The following SNW1 variants were observed in gnomAD, a reference collection of about 807,000 sequenced individuals.
SNW1 encodes SNW domain containing 1.
In SNW1, 9 loss-of-function variants were observed where a neutral mutation model predicts 75.6. The ratio of observed to expected loss-of-function variants is 0.12; its 90% CI spans 0.07 to 0.21. The LOEUF (loss-of-function observed/expected upper bound fraction) is 0.21. Among genes scored for constraint, SNW1 ranks in the 10% least tolerant of loss-of-function variants. SNW1 has a pLI of 1.00. For synonymous variants in SNW1, 200 were observed against 219.1 expected, an observed-to-expected ratio of 0.91 and a Z score of 0.77; for missense variants, 409 against 670.9, an observed-to-expected ratio of 0.61 and a Z score of 4.31.
rs767663914 is a variant in SNW1 at position 77,718,427 on chromosome 14, C to A, written c.1352G>T (p.Ser451Ile). 1 of 1,613,944 alleles carries A rather than the reference C, an allele frequency of 6.2e-7. No homozygotes were observed. Among genetic ancestry groups the A allele is most frequent in the African/African-American group, 1.3e-5 (1 of 74,898 alleles). ...ATACATGTCCTTGTCCAGATTTTTA[C>A]TGGGCCTATAAATACTCTGGGCCAT... Reference protein sequence around the residue: ...KDMAQSIYRPSKNLDKDMYGD... With the variant: ...KDMAQSIYRPIKNLDKDMYGD... The change falls in exon 13 of 14, where the codon AGT becomes ATT. Residue 451 changes from serine (S) to isoleucine (I), a missense_variant. Around this residue, in one of 9 missense-constraint regions of SNW1, gnomAD observed 126 missense variants for 167.6 expected, o/e 0.75. Coordinates refer to ENST00000261531, the MANE Select transcript of SNW1 (RefSeq NM_012245.3).
rs146190754 is a variant in SNW1 at position 77,717,846 on chromosome 14, G to A, written c.*242C>T. ...AAGTGGTCTTGACTTTGTATGTGGG[G>A]CAGCATGTTCTATAAATGCTGAAAG... On this transcript the variant is annotated 3_prime_UTR_variant, in exon 14 of 14. Coordinates refer to ENST00000261531, the MANE Select transcript of SNW1 (RefSeq NM_012245.3). 9.0e-5 allele frequency: 50 copies of A among 556,266 alleles called. No homozygotes were observed. The East Asian group carries it at 1.4e-3, about 16-fold the overall frequency. 34.5% of individuals were successfully genotyped at this position (556,266 alleles called of 1,614,324 possible).
chr14:77,757,928 A>ATCTG (rs766582862), intron 1 of SNW1, among the ~76,000 whole-genome samples: 1 of 123,488 alleles, frequency 8.1e-6, no homozygotes, highest in Non-Finnish European at 1.7e-5. Flanking sequence ...TCATCTATCT[A>ATCTG]TCTATCTATC....
At chr14:77,726,478 G>GTCTTTTATCATTT (rs1319599330) in intron 10 of SNW1, among the ~76,000 whole-genome samples, 1 of 151,988 alleles carries the variant, frequency 6.6e-6, no homozygotes, top group Non-Finnish European at 1.5e-5. Flanking sequence ...ACTTTCATCA[G>GTCTTTTATCATTT]TCTTTTATCA....
chr14:77,720,796 A>G lies in SNW1; in HGVS notation c.1163T>C (p.Ile388Thr), dbSNP rs202012255. Residue 388 changes from isoleucine to threonine, a missense_variant, in exon 12 of 14, where the codon ATC (isoleucine) becomes ACC (threonine). Ile to Thr is a moderately conservative substitution (Grantham distance 89, BLOSUM62 -1). Coordinates refer to ENST00000261531, the MANE Select transcript of SNW1 (RefSeq NM_012245.3). Reference sequence around the variant, plus strand: ...AACACCGAGAGCAATAACTTCACTGATATCCCGATTTTCATTTCTCTGAAG... The same window carrying G: ...AACACCGAGAGCAATAACTTCACTGGTATCCCGATTTTCATTTCTCTGAAG... The part of the protein sequence containing the change: ...SKLQRNENRD[I>T]SEVIALGVPN... 6.2e-7 allele frequency: 1 copy of G among 1,613,770 alleles called. No homozygotes were observed. The highest frequency in any genetic ancestry group is 2.2e-5 in the East Asian group (1 of 44,868).
At chr14:77,719,421 A>C (rs952138354) in intron 12 of SNW1, among the ~76,000 whole-genome samples, 35 of 152,248 alleles carry the variant, frequency 2.3e-4, no homozygotes, top group African/African-American at 8.4e-4. Context: ...GAGGATCACG[A>C]GGTCAGGAGT....
At position 77,717,786 on chromosome 14, in the gene SNW1, A is replaced by T. The variant is rs1034957401; in HGVS notation, c.*302T>A. 2.4e-5 allele frequency: 14 copies of T among 593,320 alleles called. No individual in the cohort carries two copies. Among genetic ancestry groups the T allele is most frequent in the African/African-American group, 3.7e-5 (2 of 53,822 alleles). The allele number at this position is 593,320 out of a possible 1,614,324, so 36.8% of individuals were successfully genotyped here. The stretch of plus-strand genomic sequence containing the variant: ...TCATATGCAGCTGTTCTTACACAAA[A>T]CATTAACCCCAAACTACTAGTGTCA... On this transcript the variant is annotated 3_prime_UTR_variant, in exon 14 of 14. Transcript: ENST00000261531.
intron 12 of SNW1, among the ~76,000 whole-genome samples, chr14:77,718,953 G>T (rs543264748): frequency 2.0e-5 from 3 of 152,092 alleles, no homozygotes; most frequent in African/African-American, 4.8e-5. Context: ...TCAGGTGATC[G>T]CCTGCCTTGG....
At chr14:77,754,621 G>A (rs2080830706) in intron 2 of SNW1, among the ~76,000 whole-genome samples, 1 of 151,966 alleles carries the variant, frequency 6.6e-6, no homozygotes, top group African/African-American at 2.4e-5. Flanking sequence ...AGGAGGAGGA[G>A]CCCAAATATG....
chr14:77,721,117 G>A (rs1458129845), intron 11 of SNW1: 2 of 302,216 alleles, frequency 6.6e-6, no homozygotes, highest in East Asian at 7.6e-5. Flanking sequence ...ACCATGCTGA[G>A]ATATAAAATT....
chr14:77,717,786 A>ACAT lies in SNW1; in HGVS notation c.*299_*301dup. 1 of 593,438 alleles carries ACAT rather than the reference A, an allele frequency of 1.7e-6. No homozygotes were observed. The highest frequency in any genetic ancestry group is 3.0e-6 in the Non-Finnish European group (1 of 337,410). 36.8% of individuals were successfully genotyped at this position (593,438 alleles called of 1,614,324 possible). Reference sequence around the variant, plus strand: ...TCATATGCAGCTGTTCTTACACAAAACATTAACCCCAAACTACTAGTGTCA... The same window carrying ACAT: ...TCATATGCAGCTGTTCTTACACAAAACATCATTAACCCCAAACTACTAGTGTCA... On this transcript the variant is annotated 3_prime_UTR_variant, in exon 14 of 14. Transcript: ENST00000261531.
At chr14:77,745,055 A>C (rs1010516551) in intron 3 of SNW1, among the ~76,000 whole-genome samples, 12 of 152,350 alleles carry the variant, frequency 7.9e-5, no homozygotes, top group East Asian at 5.8e-4. Context: ...TCAGGCAGTA[A>C]GTAAGGCACC....
intron 3 of SNW1, among the ~76,000 whole-genome samples, chr14:77,744,392 T>C (rs1339699880): frequency 7.4e-6 from 1 of 134,630 alleles, no homozygotes; most frequent in Non-Finnish European, 1.5e-5. Flanking sequence ...GAGGCAGAGG[T>C]TGCAGTGAGC....
chr14:77,761,081 C>G, intron 1 of SNW1, 33 bp downstream of exon 1: 4 of 1,614,248 alleles, frequency 2.5e-6, no homozygotes, highest in Non-Finnish European at 3.4e-6. Flanking sequence ...CTCCCAGACC[C>G]TTCCGTATCG....
chr14:77,731,835 T>C (rs1238948531), intron 9 of SNW1, among the ~76,000 whole-genome samples: 5 of 152,144 alleles, frequency 3.3e-5, no homozygotes, highest in Admixed American at 6.5e-5. Flanking sequence ...ACCTCCTGGG[T>C]TCGAGAGATT....
chr14:77,723,151 T>C (rs1332916961), intron 11 of SNW1, 30 bp downstream of exon 11: 1 of 1,570,132 alleles, frequency 6.4e-7, no homozygotes, highest in East Asian at 2.2e-5. Flanking sequence ...CCGGCCACCA[T>C]GATTGGTACA....
intron 10 of SNW1, among the ~76,000 whole-genome samples, chr14:77,728,085 T>G (rs960284765): frequency 3.8e-5 from 5 of 131,250 alleles, no homozygotes; most frequent in Admixed American, 3.0e-4. Flanking sequence ...AGAATCTAGG[T>G]GGTAGGAGAT....
chr14:77,743,169 G>A (rs560836804), intron 3 of SNW1, among the ~76,000 whole-genome samples: 2 of 151,348 alleles, frequency 1.3e-5, no homozygotes, highest in East Asian at 3.9e-4. Flanking sequence ...AGGTTGCGGT[G>A]AGCTGAGATC....
intron 10 of SNW1, among the ~76,000 whole-genome samples, chr14:77,725,658 A>G (rs564757918): frequency 1.1e-4 from 17 of 152,286 alleles, no homozygotes; most frequent in Middle Eastern, 3.4e-3. Context: ...GTGGTGGTTC[A>G]TGCCTGTAAC....
chr14:77,721,779 A>C (rs1182159616), intron 11 of SNW1, among the ~76,000 whole-genome samples: 1 of 151,710 alleles, frequency 6.6e-6, no homozygotes, highest in African/African-American at 2.4e-5. Flanking sequence ...ACGGAGTCTC[A>C]CTCTGTCGCC....
Sources: allele counts gnomAD v4.1 joint callset (sites outside exome capture counted in the v4.1 genomes callset), GRCh38; gene constraint gnomAD v4.1.1; regional missense constraint gnomAD v4.1.1; transcripts MANE v1.5; gene names NCBI Gene and HGNC (gene_info 2026-07-23, HGNC 2026-07-21).